The following BDH1 variants were observed in gnomAD, a reference collection of about 807,000 sequenced individuals.
BDH1 encodes 3-hydroxybutyrate dehydrogenase 1, also known as D-beta-hydroxybutyrate dehydrogenase, mitochondrial.
BDH1 carries 30 observed loss-of-function variants against 33.1 expected under a neutral mutation model. The observed-to-expected ratio is 0.91, with a 90% CI of 0.68 to 1.23. The LOEUF is 1.23. Among genes scored for constraint, BDH1 ranks in the 50% most tolerant of loss-of-function variants. The pLI is 0.00. For synonymous variants in BDH1, 190 were observed against 183.6 expected (o/e 1.03, Z -0.28); for missense variants, 443 against 464.4 (o/e 0.95, Z 0.42).
chr3:197,546,248 G>C (rs1716068039), intron 3 of BDH1, 113 bp downstream of exon 3: 1 of 1,035,952 alleles, frequency 9.7e-7, no homozygotes, highest in African/African-American at 1.6e-5. Context: ...CAAAGGTATT[G>C]AGAGACATCT....
rs200290672 is a variant in BDH1, at chr3:197,533,528, G to T, written c.117C>A (p.Ile39=). 6.2e-7 allele frequency: 1 copy of T among 1,614,238 alleles called. No individual in the cohort carries two copies. The highest frequency in any genetic ancestry group is 2.2e-5 in the East Asian group (1 of 44,892). The change falls in exon 4 of 8, where the codon ATC becomes ATA. Residue 39 remains isoleucine, a synonymous_variant. Transcript: ENST00000392379. ...TGGCATAAGTCCGACGGCCAATCGG[G>T]ATAAAGGAAGTAGAACCAAGCAATA... The part of the protein sequence containing the change: ...RPLLLGSTSF[I]PIGRRTYASA...
chr3:197,535,363 C>A lies in BDH1; in HGVS notation c.84-1802G>T, dbSNP rs56350232. Among the ~76,000 whole-genome samples, 5 of 152,046 alleles carry A rather than the reference C, an allele frequency of 3.3e-5. No homozygotes were observed. The East Asian group carries it at 9.6e-4, about 29-fold the overall frequency. Reference sequence around the variant, plus strand: ...GCAAAATTTTTCTCCTAGCCTATGACGTGCCTTTTTATCCTCTGTAGCAGG... The same window carrying A: ...GCAAAATTTTTCTCCTAGCCTATGAAGTGCCTTTTTATCCTCTGTAGCAGG... On this transcript the variant is annotated intron_variant, in intron 3 of 7. Transcript: ENST00000392379.
In BDH1 at chr3:197,512,267, G is replaced by A. The variant is rs145104101; in HGVS notation, c.660C>T (p.Asp220=). 1.2e-6 allele frequency: 2 copies of A among 1,613,150 alleles called. No individual in the cohort carries two copies. The highest frequency in any genetic ancestry group is 1.7e-6 in the Non-Finnish European group (2 of 1,180,030). Residue 220 remains aspartate (D), a synonymous_variant, in exon 8 of 8, where the codon GAC becomes GAT. Coordinates refer to ENST00000392379, the MANE Select transcript of BDH1 (RefSeq NM_203314.3). ...GGGGGTACATCTCATAGCGCAGGCA[G>A]TCCGAGAAAGCCTCTACCCCGAACT... The part of the protein sequence containing the change: ...ITKFGVEAFS[D]CLRYEMYPLG...
In BDH1 at chr3:197,512,194, T is replaced by C; in HGVS notation, c.733A>G (p.Thr245Ala). 1 of 1,614,096 alleles carries C rather than the reference T, an allele frequency of 6.2e-7. No individual in the cohort carries two copies. Residue 245 changes from threonine to alanine, a missense_variant, in exon 8 of 8, where the codon ACC (threonine) becomes GCC (alanine). By Grantham distance (58) the Thr-to-Ala change is moderately conservative. Coordinates refer to ENST00000392379, the MANE Select transcript of BDH1 (RefSeq NM_203314.3). ...ATGCTCTCAGGGCTGTAAAGGCTGG[T>C]GGCAGCGATGAAGTTGCCGGGCTCC... is the stretch of plus-strand genomic sequence containing the variant. ...VVEPGNFIAA[T>A]SLYSPESIQA...
intron 7 of BDH1, among the ~76,000 whole-genome samples, chr3:197,512,796 T>C (rs762787853): frequency 4.6e-5 from 7 of 152,300 alleles, no homozygotes; most frequent in Middle Eastern, 3.4e-3. Flanking sequence ...CTTCCCCTTA[T>C]GGAGCTTAAA....
In BDH1 at chr3:197,514,330, C is replaced by G; in HGVS notation, c.496G>C (p.Glu166Gln). The change falls in exon 7 of 8, where the codon GAA becomes CAA. Residue 166 changes from glutamate (E) to glutamine (Q), a missense_variant. Transcript: ENST00000392379. The surrounding 1 kb of genome is among the most constrained non-coding windows in gnomAD (Gnocchi z 4.2). ...CGCACTGTGCCCCAAAGGTTCACTTCTGCCACCTGCTTGTAGGTCTCCAGG... is the reference window on the plus strand; with the variant it reads ...CGCACTGTGCCCCAAAGGTTCACTTGTGCCACCTGCTTGTAGGTCTCCAGG... ...TSLETYKQVA[E>Q]VNLWGTVRMT... is the part of the protein sequence containing the mutation. 1 of 1,614,004 alleles carries G rather than the reference C, an allele frequency of 6.2e-7. No individual in the cohort carries two copies.
At chr3:197,519,868 G>T (rs986836633) in intron 6 of BDH1, among the ~76,000 whole-genome samples, 3 of 152,050 alleles carry the variant, frequency 2.0e-5, no homozygotes, top group African/African-American at 4.8e-5. Context: ...TGGCTCTGTG[G>T]CTCTCACCAG....
In BDH1 at chr3:197,554,211, T is replaced by G. The variant is rs1716805931; in HGVS notation, c.-44+351A>C. On this transcript the variant is annotated intron_variant, in intron 2 of 7. Coordinates refer to ENST00000392379, the MANE Select transcript of BDH1 (RefSeq NM_203314.3). This position sits in a 1 kb window ranked among gnomAD's most constrained non-coding sequence, Gnocchi z 4.4. ...CTTTTCTAATCCCCTAATTCAAAAATCTTTCGCCCAATCTCCTCCCTTCTG... is the reference window on the plus strand; with the variant it reads ...CTTTTCTAATCCCCTAATTCAAAAAGCTTTCGCCCAATCTCCTCCCTTCTG... Among the ~76,000 whole-genome samples the G allele has an allele frequency of 6.6e-6, 1 of 152,192 alleles. No individual in the cohort carries two copies. Among genetic ancestry groups the G allele is most frequent in the Admixed American group, 6.5e-5 (1 of 15,282 alleles).
At position 197,520,497 on chromosome 3, in the gene BDH1, C is replaced by T. The variant is rs539675508; in HGVS notation, c.409+2143G>A. ...CTGCCTTGTAGGTTAGGCTGCCTGG[C>T]CAGTCCAGTACAGACAATGGAAGTG... On this transcript the variant is annotated intron_variant, in intron 6 of 7. Coordinates refer to ENST00000392379, the MANE Select transcript of BDH1 (RefSeq NM_203314.3). The surrounding 1 kb of genome is among the most constrained non-coding windows in gnomAD (Gnocchi z 6.0). Among the ~76,000 whole-genome samples the T allele has an allele frequency of 1.2e-4, 19 of 152,262 alleles. No homozygotes were observed. The highest frequency in any genetic ancestry group is 4.3e-4 in the African/African-American group (18 of 41,556).
Position 197,522,914 on chromosome 3 carries a change from G to A in BDH1, c.268-133C>T. 1 of 1,044,950 alleles carries A rather than the reference G, an allele frequency of 9.6e-7. No homozygotes were observed. Among genetic ancestry groups the A allele is most frequent in the Non-Finnish European group, 1.4e-6 (1 of 727,758 alleles). 64.7% of individuals were successfully genotyped at this position (1,044,950 alleles called of 1,614,324 possible). A position where few individuals can be genotyped will look rare whatever the true frequency, so the allele number is the denominator to read the frequency against. ...CAGGCATACTGGCAACTGCCCATGG[G>A]CCTGGCCCACCAGCATGCGGTTCTT... On this transcript the variant is annotated intron_variant, in intron 5 of 7. Transcript: ENST00000392379. This position sits in a 1 kb window ranked among gnomAD's most constrained non-coding sequence, Gnocchi z 4.8.
At chr3:197,566,344 C>T (rs895620409) in intron 1 of BDH1, among the ~76,000 whole-genome samples, 2 of 152,238 alleles carry the variant, frequency 1.3e-5, no homozygotes, top group Non-Finnish European at 2.9e-5. Context: ...TTTGTCTACA[C>T]AGCCATTGTA....
rs1279961947 is a variant in BDH1 at position 197,511,611 on chromosome 3, GT to G, written c.*283del. 2.4e-6 allele frequency: 1 copy of G among 409,476 alleles called. No homozygotes were observed. The highest frequency in any genetic ancestry group is 2.0e-5 in the African/African-American group (1 of 48,808). The allele number at this position is 409,476 out of a possible 1,614,324, so 25.4% of individuals were successfully genotyped here. On this transcript the variant is annotated 3_prime_UTR_variant, in exon 8 of 8. Coordinates refer to ENST00000392379, the MANE Select transcript of BDH1 (RefSeq NM_203314.3). ...TGAGATCTGTTTTTAATATAAAGAT[GT>G]TTTCTTAAAATCTCTGTATGAAATT...
At chr3:197,533,932 T>C (rs1029673850) in intron 3 of BDH1, 5 of 233,938 alleles carry the variant, frequency 2.1e-5, no homozygotes, top group Non-Finnish European at 4.2e-5. Flanking sequence ...GTGTGAACTA[T>C]CCTTGTAGTA....
At chr3:197,546,322 A>G (rs1324279691) in intron 3 of BDH1, 39 bp downstream of exon 3, 2 of 1,601,928 alleles carry the variant, frequency 1.2e-6, no homozygotes, top group East Asian at 2.2e-5. Flanking sequence ...CTGCTCAGAA[A>G]GTGTCCCCTC....
rs773113109 is a variant in BDH1 at position 197,512,260 on chromosome 3, G to C, written c.667C>G (p.Arg223Gly). Residue 223 changes from arginine (R) to glycine (G), a missense_variant, in exon 8 of 8, where the codon CGC (arginine) becomes GGC (glycine). Physicochemically the swap from Arg to Gly is moderately radical, Grantham distance 125. Transcript: ENST00000392379. ...FGVEAFSDCLRYEMYPLGVKV... is the reference protein window; with the variant it reads ...FGVEAFSDCLGYEMYPLGVKV... Reference sequence around the variant, plus strand: ...ACGCCCAGGGGGTACATCTCATAGCGCAGGCAGTCCGAGAAAGCCTCTACC... The same window carrying C: ...ACGCCCAGGGGGTACATCTCATAGCCCAGGCAGTCCGAGAAAGCCTCTACC... 1 of 1,613,202 alleles carries C rather than the reference G, an allele frequency of 6.2e-7. No individual in the cohort carries two copies. Among genetic ancestry groups the C allele is most frequent in the Non-Finnish European group, 8.5e-7 (1 of 1,180,030 alleles).
intron 3 of BDH1, chr3:197,538,541 G>A (rs1171883271): frequency 9.9e-5 from 36 of 364,146 alleles, no homozygotes; most frequent in Non-Finnish European, 1.7e-4. Flanking sequence ...TAGTAGAGAC[G>A]GGGGTTCACC....
Position 197,554,872 on chromosome 3 carries a change from T to C in BDH1, c.-195-159A>G, listed in dbSNP as rs769194645. Among the ~76,000 whole-genome samples, 2 of 152,206 alleles carry C rather than the reference T, an allele frequency of 1.3e-5. No homozygotes were observed. The highest frequency in any genetic ancestry group is 2.9e-5 in the Non-Finnish European group (2 of 68,022). ...GGAGCGCTCAAACCCACAGGGTATCTATCAGGCGCGCGTCAGCACGTAAGC... is the reference window on the plus strand; with the variant it reads ...GGAGCGCTCAAACCCACAGGGTATCCATCAGGCGCGCGTCAGCACGTAAGC... On this transcript the variant is annotated intron_variant, in intron 1 of 7. Coordinates refer to ENST00000392379, the MANE Select transcript of BDH1 (RefSeq NM_203314.3). This position sits in a 1 kb window ranked among gnomAD's most constrained non-coding sequence, Gnocchi z 4.4.
intron 3 of BDH1, 62 bp from the exon 4 acceptor site, chr3:197,533,623 G>T: frequency 6.6e-7 from 1 of 1,526,290 alleles, no homozygotes; most frequent in Non-Finnish European, 9.1e-7. Context: ...AGCCACACTG[G>T]CCTAGAGCAG....
chr3:197,557,136 C>T (rs1250169037), upstream of BDH1, among the ~76,000 whole-genome samples: 5 of 152,212 alleles, frequency 3.3e-5, no homozygotes, highest in African/African-American at 1.2e-4. This position sits in a 1 kb window ranked among gnomAD's most constrained non-coding sequence, Gnocchi z 4.6. Flanking sequence ...GTTGTCCCAC[C>T]TTTCCAGACT....
Sources: allele counts gnomAD v4.1 joint callset (sites outside exome capture counted in the v4.1 genomes callset), GRCh38; gene constraint gnomAD v4.1.1; non-coding constraint Gnocchi (gnomAD v3.1); transcripts MANE v1.5; gene names NCBI Gene and HGNC (gene_info 2026-07-23, HGNC 2026-07-21).